AP3S1: variants seen among roughly 807,000 people sequenced by gnomAD.
AP3S1 encodes the protein AP-3 complex subunit sigma-1.
A neutral mutation model predicts 21.3 loss-of-function variants in AP3S1; 12 were observed. The ratio of observed to expected loss-of-function variants is 0.56; its 90% CI spans 0.36 to 0.91. AP3S1 has a LOEUF of 0.91. Among genes scored for constraint, AP3S1 ranks in the 40% least tolerant of loss-of-function variants. The pLI is 0.01. For missense variants in AP3S1, 116 were observed against 225.0 expected (o/e 0.52, Z 3.10); for synonymous variants, 48 against 78.4 (o/e 0.61, Z 2.05).
intron 3 of AP3S1, among the ~76,000 whole-genome samples, chr5:115,889,778 C>G (rs1750123553): frequency 6.6e-6 from 1 of 151,802 alleles, no homozygotes; most frequent in Non-Finnish European, 1.5e-5. Context: ...GAGTTTGAGA[C>G]CAGCCTGGGC....
At chr5:115,871,998 A>T (rs1390196814) in intron 3 of AP3S1, among the ~76,000 whole-genome samples, 1 of 152,190 alleles carries the variant, frequency 6.6e-6, no homozygotes, top group Non-Finnish European at 1.5e-5. Context: ...AATTCTTAGC[A>T]CTGTGGCTAA....
intron 4 of AP3S1, chr5:115,898,514 C>G (rs1429429387): frequency 2.0e-5 from 3 of 152,244 alleles, no homozygotes; most frequent in African/African-American, 4.8e-5. Flanking sequence ...AGATTTATTA[C>G]TCACATAATG....
chr5:115,910,858 C>G (rs142659504), intron 5 of AP3S1, among the ~76,000 whole-genome samples: 78 of 152,248 alleles, frequency 5.1e-4, no homozygotes, highest in African/African-American at 1.7e-3. Context: ...CCTATTACAA[C>G]TTTAAATTTT....
intron 2 of AP3S1, among the ~76,000 whole-genome samples, chr5:115,867,194 A>T (rs1376381151): frequency 6.6e-6 from 1 of 152,094 alleles, no homozygotes; most frequent in Non-Finnish European, 1.5e-5. Context: ...GCTCATTTGC[A>T]TGTTGCTGGT....
intron 3 of AP3S1, among the ~76,000 whole-genome samples, chr5:115,876,425 G>C (rs1748716703): frequency 6.6e-6 from 1 of 152,066 alleles, no homozygotes; most frequent in East Asian, 1.9e-4. Flanking sequence ...CTTTTTCTTT[G>C]ATTTAAGGTA....
intron 1 of AP3S1, among the ~76,000 whole-genome samples, chr5:115,846,132 G>A (rs1762046278): frequency 6.6e-6 from 1 of 151,966 alleles, no homozygotes. Context: ...AATCCCTTCG[G>A]TTGTGATTCC....
chr5:115,888,249 G>C (rs1749969163), intron 3 of AP3S1, among the ~76,000 whole-genome samples: 1 of 151,988 alleles, frequency 6.6e-6, no homozygotes, highest in Non-Finnish European at 1.5e-5. Flanking sequence ...CTAGGTCTTA[G>C]CTCCTTTTAT....
At chr5:115,865,945 C>T (rs1052022429) in intron 1 of AP3S1, among the ~76,000 whole-genome samples, 2 of 152,128 alleles carry the variant, frequency 1.3e-5, no homozygotes, top group African/African-American at 2.4e-5. Flanking sequence ...ATTACAGGCA[C>T]GTGCCACCAC....
intron 4 of AP3S1, among the ~76,000 whole-genome samples, 178 bp from the exon 5 acceptor site, chr5:115,902,707 T>A (rs535815360): frequency 6.6e-6 from 1 of 152,220 alleles, no homozygotes; most frequent in Non-Finnish European, 1.5e-5. Flanking sequence ...AAGGAGGTTA[T>A]ATAACTGCCT....
intron 5 of AP3S1, chr5:115,906,728 G>T (rs1751685967): frequency 5.4e-6 from 5 of 922,066 alleles, no homozygotes; most frequent in Admixed American, 2.9e-5. Flanking sequence ...GGATAAATGG[G>T]TCTGAATTTA....
chr5:115,888,004 A>T lies in AP3S1; in HGVS notation c.274-7083A>T, dbSNP rs904870845. ...TTTTTATATTTATTTTTTGAATACTAGGTAATTAAAATGCAGGACAATTTA... is the reference window on the plus strand; with the variant it reads ...TTTTTATATTTATTTTTTGAATACTTGGTAATTAAAATGCAGGACAATTTA... On this transcript the variant is annotated intron_variant, in intron 3 of 5. Coordinates refer to ENST00000316788, the MANE Select transcript of AP3S1 (RefSeq NM_001284.4). Among the ~76,000 whole-genome samples, 10 of 152,120 alleles carry T rather than the reference A, an allele frequency of 6.6e-5. 1 individual carries two copies. The highest frequency in any genetic ancestry group is 5.2e-4 in the Admixed American group (8 of 15,268).
intron 3 of AP3S1, among the ~76,000 whole-genome samples, chr5:115,879,902 A>C (rs1032551717): frequency 1.3e-5 from 2 of 152,302 alleles, no homozygotes; most frequent in East Asian, 3.9e-4. Flanking sequence ...GGTCTGGTTC[A>C]GAGATTCGAC....
At chr5:115,884,237 C>T (rs563788898) in intron 3 of AP3S1, among the ~76,000 whole-genome samples, 209 of 152,186 alleles carry the variant, frequency 1.4e-3, no homozygotes, top group African/African-American at 4.6e-3. Context: ...TTAAATATCT[C>T]TTAATTTTTA....
At chr5:115,876,809 G>C (rs1026626852) in intron 3 of AP3S1, among the ~76,000 whole-genome samples, 5 of 152,038 alleles carry the variant, frequency 3.3e-5, no homozygotes, top group African/African-American at 1.2e-4. Context: ...TAATGATTTA[G>C]ATTGTGCATT....
intron 3 of AP3S1, among the ~76,000 whole-genome samples, chr5:115,877,142 A>G (rs1748794764): frequency 3.3e-5 from 5 of 152,088 alleles, no homozygotes; most frequent in Admixed American, 2.6e-4. Context: ...TCATACCTCA[A>G]TATTTAATAG....
At chr5:115,877,469 G>A (rs990713442) in intron 3 of AP3S1, among the ~76,000 whole-genome samples, 21 of 152,058 alleles carry the variant, frequency 1.4e-4, no homozygotes, top group Non-Finnish European at 1.3e-4. Context: ...TTCTGTTCCC[G>A]TGTTCGTTTG....
intron 1 of AP3S1, among the ~76,000 whole-genome samples, chr5:115,850,236 T>G (rs1432208181): frequency 6.6e-6 from 1 of 152,218 alleles, no homozygotes; most frequent in Non-Finnish European, 1.5e-5. Flanking sequence ...CTGAATTGTT[T>G]TGATTACCTT....
chr5:115,908,732 T>G (rs1193718920), intron 5 of AP3S1, among the ~76,000 whole-genome samples: 1 of 152,186 alleles, frequency 6.6e-6, no homozygotes, highest in East Asian at 1.9e-4. Flanking sequence ...TCTAGAGAAT[T>G]GTCATGAGCT....
intron 3 of AP3S1, among the ~76,000 whole-genome samples, chr5:115,875,839 T>A (rs943111077): frequency 6.6e-6 from 1 of 152,170 alleles, no homozygotes; most frequent in Non-Finnish European, 1.5e-5. Context: ...TGGGTCAGAT[T>A]GTTAGAGTTG....
Sources: gnomAD v4.1 joint callset for allele counts (sites outside exome capture counted in the v4.1 genomes callset) on GRCh38, gnomAD v4.1.1 for gene constraint, MANE v1.5 for transcripts, NCBI Gene and HGNC (gene_info 2026-07-23, HGNC 2026-07-21) for gene names.